HS3ST3A1: variants seen among roughly 807,000 people sequenced by gnomAD.
The protein encoded by HS3ST3A1 is heparan sulfate-glucosamine 3-sulfotransferase 3A1, also known as heparan sulfate glucosamine 3-O-sulfotransferase 3A1.
Under a neutral mutation model 25.7 loss-of-function variants are expected in HS3ST3A1, and 19 were observed. The observed-to-expected ratio is 0.74, with a 90% CI of 0.52 to 1.08. The LOEUF is 1.08. Among genes scored for constraint, HS3ST3A1 ranks in the 50% least tolerant of loss-of-function variants. The pLI, the probability that HS3ST3A1 is intolerant of heterozygous loss-of-function variation, is 0.00. For synonymous variants in HS3ST3A1, 226 were observed against 278.6 expected (o/e 0.81, Z 1.88); for missense variants, 459 against 594.3 (o/e 0.77, Z 2.37).
intron 1 of HS3ST3A1, among the ~76,000 whole-genome samples, chr17:13,532,369 C>T (rs745796994): frequency 1.3e-5 from 2 of 152,028 alleles, no homozygotes; most frequent in African/African-American, 2.4e-5. Context: ...AGGGGCTGAC[C>T]AGGAGAATGC....
intron 1 of HS3ST3A1, among the ~76,000 whole-genome samples, chr17:13,568,259 T>C (rs185902071): frequency 1.8e-4 from 28 of 152,342 alleles, no homozygotes; most frequent in African/African-American, 6.3e-4. Flanking sequence ...CATAATTACA[T>C]AGCACGCTTA....
chr17:13,523,360 G>A (rs974597541), intron 1 of HS3ST3A1, among the ~76,000 whole-genome samples: 1 of 152,134 alleles, frequency 6.6e-6, no homozygotes, highest in Non-Finnish European at 1.5e-5. Flanking sequence ...ACGTAGTAAT[G>A]GGTAAGACAA....
chr17:13,524,560 A>T (rs1345492294), intron 1 of HS3ST3A1, among the ~76,000 whole-genome samples: 2 of 152,094 alleles, frequency 1.3e-5, no homozygotes, highest in Non-Finnish European at 2.9e-5. Flanking sequence ...CATATTTTTG[A>T]TATTTCTATA....
chr17:13,498,442 A>G (rs1905352058), intron 1 of HS3ST3A1, among the ~76,000 whole-genome samples: 1 of 152,216 alleles, frequency 6.6e-6, no homozygotes, highest in African/African-American at 2.4e-5. Flanking sequence ...GGCAGGTCAT[A>G]CAGATCGGAA....
chr17:13,581,128 C>A (rs1567629130), intron 1 of HS3ST3A1, among the ~76,000 whole-genome samples: 1 of 152,074 alleles, frequency 6.6e-6, no homozygotes, highest in African/African-American at 2.4e-5. Flanking sequence ...TCCATTGGAA[C>A]AAATTTGCAT....
chr17:13,596,126 C>T (rs1220163190), intron 1 of HS3ST3A1, among the ~76,000 whole-genome samples: 1 of 152,086 alleles, frequency 6.6e-6, no homozygotes, highest in Non-Finnish European at 1.5e-5. Context: ...GGTGGATTTT[C>T]ATGGAAGTCT....
intron 1 of HS3ST3A1, among the ~76,000 whole-genome samples, chr17:13,573,674 A>G (rs574330408): frequency 2.0e-5 from 3 of 152,236 alleles, no homozygotes; most frequent in East Asian, 3.9e-4. Flanking sequence ...ACTGAGCTCA[A>G]TGTTGAGTGT....
intron 1 of HS3ST3A1, among the ~76,000 whole-genome samples, chr17:13,515,790 C>G (rs1906034538): frequency 6.6e-6 from 1 of 152,110 alleles, no homozygotes; most frequent in South Asian, 2.1e-4. Flanking sequence ...TGCTCCACAT[C>G]CTTGTCAGCA....
intron 1 of HS3ST3A1, among the ~76,000 whole-genome samples, chr17:13,575,726 G>A (rs1039038499): frequency 5.3e-5 from 8 of 152,178 alleles, no homozygotes; most frequent in African/African-American, 1.9e-4. Flanking sequence ...AATGTCTACC[G>A]AAAGCCCAGC....
At chr17:13,582,977 T>A (rs1908155327) in intron 1 of HS3ST3A1, among the ~76,000 whole-genome samples, 1 of 152,198 alleles carries the variant, frequency 6.6e-6, no homozygotes, top group Non-Finnish European at 1.5e-5. Flanking sequence ...CCATTCATTC[T>A]CCAGATATGA....
rs67523378 is a variant in HS3ST3A1 at position 13,512,305 on chromosome 17, CAAA to C, written c.600-15490_600-15488del. Among the ~76,000 whole-genome samples the C allele has an allele frequency of 8.2e-3, 670 of 82,072 alleles. 3 individuals carry two copies. Among genetic ancestry groups the C allele is most frequent in the Non-Finnish European group, 0.012 (558 of 45,082 alleles). 53.8% of individuals were successfully genotyped at this position (82,072 alleles called of 152,430 possible). On this transcript the variant is annotated intron_variant, in intron 1 of 1. Coordinates refer to ENST00000284110, the MANE Select transcript of HS3ST3A1 (RefSeq NM_006042.3). Reference sequence around the variant, plus strand: ...TGGGCGACAGAGCGAGACTCCGTCTCAAAAAAAAAAAAAAAAAAAAAACTGCAT... The same window carrying C: ...TGGGCGACAGAGCGAGACTCCGTCTCAAAAAAAAAAAAAAAAAAACTGCAT...
intron 1 of HS3ST3A1, among the ~76,000 whole-genome samples, chr17:13,540,047 T>C (rs528139635): frequency 2.0e-5 from 3 of 152,356 alleles, no homozygotes; most frequent in East Asian, 3.9e-4. Flanking sequence ...TCAAGACTGA[T>C]AGACTTCTCT....
intron 1 of HS3ST3A1, among the ~76,000 whole-genome samples, chr17:13,526,934 T>C (rs1471595412): frequency 6.6e-6 from 1 of 152,156 alleles, no homozygotes; most frequent in Non-Finnish European, 1.5e-5. Context: ...ATTATAGGCG[T>C]GAGCCACCGC....
rs147354793 is a variant in HS3ST3A1, at chr17:13,569,367, G to C, written c.599+31164C>G. Among the ~76,000 whole-genome samples the C allele has an allele frequency of 6.6e-5, 10 of 152,298 alleles. No homozygotes were observed. The East Asian group carries it at 1.7e-3, about 26-fold the overall frequency. On this transcript the variant is annotated intron_variant, in intron 1 of 1. Transcript: ENST00000284110. The stretch of plus-strand genomic sequence containing the variant: ...GTAGATCACTTCTTTCTTCAGCTCA[G>C]TCCCTCTTATTGCTGGAAATGTTTC...
intron 1 of HS3ST3A1, among the ~76,000 whole-genome samples, chr17:13,521,267 C>G (rs1459323236): frequency 6.6e-6 from 1 of 152,190 alleles, no homozygotes; most frequent in African/African-American, 2.4e-5. Context: ...GCTTCCCTGC[C>G]CCAGTAGGCA....
rs550697347 is a variant in HS3ST3A1 at position 13,535,740 on chromosome 17, T to TA, written c.600-38923dup. ...TTCTTCCAAATCAGCTTCTCCCTCT[T>TA]AAAAAAAATCTTTCTTAAAAAAGTA... On this transcript the variant is annotated intron_variant, in intron 1 of 1. Coordinates refer to ENST00000284110, the MANE Select transcript of HS3ST3A1 (RefSeq NM_006042.3). 5.0e-3 allele frequency among the ~76,000 whole-genome samples: 755 copies of TA among 152,108 alleles called. 6 individuals carry two copies. Among genetic ancestry groups the TA allele is most frequent in the African/African-American group, 0.017 (720 of 41,494 alleles).
intron 1 of HS3ST3A1, among the ~76,000 whole-genome samples, chr17:13,595,742 C>A (rs927569367): frequency 1.3e-5 from 2 of 152,138 alleles, no homozygotes; most frequent in African/African-American, 4.8e-5. Flanking sequence ...CCTAAGGAAA[C>A]GAGCTAAGAA....
chr17:13,522,437 T>G (rs1037890981), intron 1 of HS3ST3A1, among the ~76,000 whole-genome samples: 3 of 152,202 alleles, frequency 2.0e-5, no homozygotes, highest in Non-Finnish European at 4.4e-5. Context: ...GTTTTCTACC[T>G]TATTAACACA....
At chr17:13,499,764 G>C (rs1180637602) in intron 1 of HS3ST3A1, among the ~76,000 whole-genome samples, 1 of 152,116 alleles carries the variant, frequency 6.6e-6, no homozygotes, top group Non-Finnish European at 1.5e-5. Context: ...TCCAACATAA[G>C]AGGAGTTTGA....
Sources: allele counts gnomAD v4.1 joint callset (sites outside exome capture counted in the v4.1 genomes callset), GRCh38; gene constraint gnomAD v4.1.1; transcripts MANE v1.5; gene names NCBI Gene and HGNC (gene_info 2026-07-23, HGNC 2026-07-21).